The following MRPS31 variants were observed in gnomAD, a reference collection of about 807,000 sequenced individuals.
MRPS31 encodes small ribosomal subunit protein mS31.
A neutral mutation model predicts 43.1 loss-of-function variants in MRPS31; 32 were observed. The observed-to-expected ratio is 0.74, with a 90% CI of 0.56 to 1.00. The LOEUF (loss-of-function observed/expected upper bound fraction) is 1.00, where lower values mean the gene tolerates loss of function less well. MRPS31 is among the 50% of genes least tolerant of loss of function. The pLI, the probability that MRPS31 is intolerant of heterozygous loss-of-function variation, is 0.00. For synonymous variants in MRPS31, 165 were observed against 161.6 expected, an observed-to-expected ratio of 1.02 and a Z score of -0.16; for missense variants, 437 against 466.7, an observed-to-expected ratio of 0.94 and a Z score of 0.59.
intron 2 of MRPS31, among the ~76,000 whole-genome samples, chr13:40,765,846 C>T (rs1464516050): frequency 3.0e-4 from 45 of 152,144 alleles, no homozygotes; most frequent in Admixed American, 2.9e-3. Context: ...AAAAATACTG[C>T]CATTTAACCT....
intron 6 of MRPS31, among the ~76,000 whole-genome samples, chr13:40,739,953 C>G (rs1880034494): frequency 6.7e-6 from 1 of 149,840 alleles, no homozygotes; most frequent in African/African-American, 2.5e-5. Context: ...TCTAATTAAA[C>G]TAAAGAGCTT....
At chr13:40,741,639 C>T (rs1458036364) in intron 6 of MRPS31, among the ~76,000 whole-genome samples, 2 of 152,080 alleles carry the variant, frequency 1.3e-5, no homozygotes, top group Non-Finnish European at 2.9e-5. Flanking sequence ...GACTGGCTAT[C>T]ATTTCAGAAG....
intron 2 of MRPS31, among the ~76,000 whole-genome samples, chr13:40,763,149 A>G (rs1188512660): frequency 2.6e-5 from 4 of 152,224 alleles, no homozygotes; most frequent in Admixed American, 2.6e-4. Flanking sequence ...CACCAGGGAT[A>G]TTCTTAGGTT....
At chr13:40,761,276 A>T (rs1312038870) in intron 2 of MRPS31, among the ~76,000 whole-genome samples, 1 of 151,890 alleles carries the variant, frequency 6.6e-6, no homozygotes, top group African/African-American at 2.4e-5. Context: ...CCAAAAAAAA[A>T]AAGAAAAGAA....
chr13:40,729,759 T>C (rs1383481163), intron 6 of MRPS31, among the ~76,000 whole-genome samples, 158 bp from the exon 7 acceptor site: 2 of 151,366 alleles, frequency 1.3e-5, no homozygotes, highest in African/African-American at 2.4e-5. Context: ...GATGGAGTCT[T>C]GCTCTGTTGC....
chr13:40,764,184 G>A (rs893064857), intron 2 of MRPS31, among the ~76,000 whole-genome samples: 1 of 152,098 alleles, frequency 6.6e-6, no homozygotes, highest in Non-Finnish European at 1.5e-5. Flanking sequence ...GGGAGGTGGG[G>A]CCGTGGGATA....
chr13:40,744,845 C>A (rs997085545), intron 6 of MRPS31, among the ~76,000 whole-genome samples: 2 of 152,134 alleles, frequency 1.3e-5, no homozygotes, highest in Non-Finnish European at 2.9e-5. Flanking sequence ...AACTCTTTAC[C>A]TGAGGTGATC....
At chr13:40,753,558 C>T (rs1880449814) in intron 5 of MRPS31, among the ~76,000 whole-genome samples, 2 of 152,174 alleles carry the variant, frequency 1.3e-5, no homozygotes, top group Admixed American at 1.3e-4. Flanking sequence ...TGCTTGGATC[C>T]TGAAGGCTGA....
chr13:40,768,277 T>C (rs1221301740), intron 1 of MRPS31, among the ~76,000 whole-genome samples: 6 of 152,164 alleles, frequency 3.9e-5, no homozygotes. Context: ...GACAATATAT[T>C]AGTAAATAAG....
chr13:40,730,139 G>A (rs2137988858), intron 6 of MRPS31, among the ~76,000 whole-genome samples: 1 of 152,254 alleles, frequency 6.6e-6, no homozygotes, highest in Middle Eastern at 3.4e-3. Flanking sequence ...AACTAAAATA[G>A]CACCTTGCTG....
chr13:40,759,097 G>T lies in MRPS31; in HGVS notation c.450C>A (p.Pro150=). The T allele has an allele frequency of 6.3e-7, 1 of 1,577,776 alleles. No homozygotes were observed. Among genetic ancestry groups the T allele is most frequent in the Non-Finnish European group, 8.6e-7 (1 of 1,166,568 alleles). The part of the protein sequence containing the change: ...TEYAPKKRIE[P]LSPELVAAAS... ...CAGCTGCCACCAACTCAGGACTCAG[G>T]GGCTCAATTCTGAAAAAGAAAATGA... Residue 150 remains proline (P), a synonymous_variant, in exon 3 of 7, where the codon CCC becomes CCA. Transcript: ENST00000323563.
At chr13:40,735,361 C>CGCGT (rs1189974281) in intron 6 of MRPS31, among the ~76,000 whole-genome samples, 1 of 152,186 alleles carries the variant, frequency 6.6e-6, no homozygotes, top group South Asian at 2.1e-4. Context: ...GGGAGGGGCG[C>CGCGT]CCACCATTGC....
rs746344175 is a variant in MRPS31 at position 40,766,960 on chromosome 13, G to A, written c.226C>T (p.Arg76Ter). ...ICSKKDKQSV[R>*]TEETSKETSE... ...GTCTCCTTGGAAGTCTCCTCAGTTC[G>A]AACAGACTGCTTATCTTTCTTGCTA... The change falls in exon 2 of 7, where the codon CGA (arginine) becomes TGA (stop). Residue 76 changes from arginine to a stop codon, truncating the protein, a stop_gained. Transcript: ENST00000323563. LOFTEE classifies it high-confidence loss of function. 7.4e-6 allele frequency: 12 copies of A among 1,613,760 alleles called. No homozygotes were observed. The East Asian group carries it at 1.1e-4, about 15-fold the overall frequency.
chr13:40,756,727 C>T, intron 4 of MRPS31, 146 bp downstream of exon 4: 1 of 929,158 alleles, frequency 1.1e-6, no homozygotes, highest in South Asian at 1.7e-5. Flanking sequence ...AAGTGGTATA[C>T]AGAGAGTAAG....
intron 5 of MRPS31, among the ~76,000 whole-genome samples, chr13:40,753,271 G>A (rs939854528): frequency 1.3e-5 from 2 of 152,186 alleles, no homozygotes; most frequent in Non-Finnish European, 2.9e-5. Flanking sequence ...ACTTCAGTAA[G>A]TTATTTTGTA....
chr13:40,769,421 T>TATATATAG (rs10684050), intron 1 of MRPS31, among the ~76,000 whole-genome samples: 2 of 120,156 alleles, frequency 1.7e-5, no homozygotes, highest in African/African-American at 6.2e-5. Flanking sequence ...TATATATATA[T>TATATATAG]TATCAAGTTC....
In MRPS31 at chr13:40,750,806, C is replaced by T. The variant is rs188337821; in HGVS notation, c.815-1525G>A. 9.2e-4 allele frequency among the ~76,000 whole-genome samples: 133 copies of T among 144,156 alleles called. No individual in the cohort carries two copies. In the Middle Eastern group the frequency reaches 0.012, roughly 13 times the overall value. The allele number at this position is 144,156 out of a possible 152,430, so 94.6% of individuals were successfully genotyped here. Reference sequence around the variant, plus strand: ...ATATGTATCACAATCCCTTACTATTCAATATTTTGATCATTTATATATTTT... The same window carrying T: ...ATATGTATCACAATCCCTTACTATTTAATATTTTGATCATTTATATATTTT... On this transcript the variant is annotated intron_variant, in intron 5 of 6. Transcript: ENST00000323563.
intron 6 of MRPS31, among the ~76,000 whole-genome samples, chr13:40,735,570 G>A (rs991981414): frequency 6.6e-4 from 101 of 151,978 alleles, no homozygotes; most frequent in Non-Finnish European, 1.2e-3. Context: ...CTCCCAGCAC[G>A]CAGCTGGAGA....
rs570464939 is a variant in MRPS31 at position 40,759,085 on chromosome 13, C to A, written c.462G>T (p.Glu154Asp). 5 of 1,583,902 alleles carry A rather than the reference C, an allele frequency of 3.2e-6. No individual in the cohort carries two copies. The African/African-American group carries it at 6.8e-5, about 22-fold the overall frequency. Residue 154 changes from glutamate to aspartate, a missense_variant, in exon 3 of 7, where the codon GAG becomes GAT. Physicochemically the swap from Glu to Asp is conservative, Grantham distance 45. Coordinates refer to ENST00000323563, the MANE Select transcript of MRPS31 (RefSeq NM_005830.4). ...PKKRIEPLSP[E>D]LVAAASAVAD... ...CCACAGCAGATGCAGCTGCCACCAACTCAGGACTCAGGGGCTCAATTCTGA... is the reference window on the plus strand; with the variant it reads ...CCACAGCAGATGCAGCTGCCACCAAATCAGGACTCAGGGGCTCAATTCTGA...
Sources: allele counts gnomAD v4.1 joint callset (sites outside exome capture counted in the v4.1 genomes callset), GRCh38; gene constraint gnomAD v4.1.1; transcripts MANE v1.5; gene names NCBI Gene and HGNC (gene_info 2026-07-23, HGNC 2026-07-21).